TOP2B: variants seen among roughly 807,000 people sequenced by gnomAD.
TOP2B encodes the protein DNA topoisomerase II beta, also known as DNA topoisomerase 2-beta.
A neutral mutation model predicts 193.5 loss-of-function variants in TOP2B; 51 were observed. The ratio of observed to expected loss-of-function variants is 0.26; its 90% CI spans 0.21 to 0.33. TOP2B has a LOEUF of 0.33. TOP2B is among the 10% of genes least tolerant of loss of function. TOP2B has a pLI of 1.00. For missense variants in TOP2B, 1,378 were observed against 1,909.3 expected, an observed-to-expected ratio of 0.72 and a Z score of 5.19; for synonymous variants, 634 against 635.7, an observed-to-expected ratio of 1.00 and a Z score of 0.04.
At chr3:25,619,819 C>A (rs1236528705) in intron 23 of TOP2B, 43 bp downstream of exon 23, 2 of 1,408,034 alleles carry the variant, frequency 1.4e-6, no homozygotes, top group Non-Finnish European at 2.0e-6. Flanking sequence ...CCGACTTATA[C>A]CATGCAAGAA....
At chr3:25,604,372 T>C (rs777672856) in intron 33 of TOP2B, among the ~76,000 whole-genome samples, 3 of 152,250 alleles carry the variant, frequency 2.0e-5, no homozygotes, top group African/African-American at 4.8e-5. Flanking sequence ...ATGACTCACA[T>C]AGAAAAAGAG....
Position 25,630,916 on chromosome 3 carries a change from T to A in TOP2B, c.1290A>T (p.Glu430Asp). ...TAAATTTCACCCAGTTCAGGATACTTTCTACAATGCCACAATTAGAGGCCT... is the reference window on the plus strand; with the variant it reads ...TAAATTTCACCCAGTTCAGGATACTATCTACAATGCCACAATTAGAGGCCT... ...FKAASNCGIV[E>D]SILNWVKFKA... The change falls in exon 11 of 36, where the codon GAA becomes GAT. Residue 430 changes from glutamate to aspartate, a missense_variant. This residue lies in a region of TOP2B where 222 missense variants were observed against 306.6 expected (regional missense o/e 0.72). Coordinates refer to ENST00000264331, the MANE Select transcript of TOP2B (RefSeq NM_001330700.2). 6.3e-7 allele frequency: 1 copy of A among 1,595,378 alleles called. No homozygotes were observed.
chr3:25,603,381 GGCAT>G (rs1270961853), intron 33 of TOP2B, among the ~76,000 whole-genome samples: 4 of 152,152 alleles, frequency 2.6e-5, no homozygotes, highest in East Asian at 1.9e-4. Context: ...TGGGACTACA[GGCAT>G]GCATACGCCA....
intron 5 of TOP2B, 132 bp from the exon 6 acceptor site, chr3:25,637,444 C>A: frequency 1.6e-6 from 1 of 611,116 alleles, no homozygotes; most frequent in South Asian, 2.1e-5. Flanking sequence ...ATTGAAGATT[C>A]CAGAGTATAT....
intron 28 of TOP2B, among the ~76,000 whole-genome samples, chr3:25,610,147 G>C (rs1702331652): frequency 1.3e-5 from 2 of 151,478 alleles, no homozygotes; most frequent in Non-Finnish European, 2.9e-5. Flanking sequence ...ATTGCGGTGA[G>C]CCTCTGGCCT....
At chr3:25,606,922 G>A (rs150133351) in intron 31 of TOP2B, among the ~76,000 whole-genome samples, 82 of 152,278 alleles carry the variant, frequency 5.4e-4, no homozygotes, top group African/African-American at 1.9e-3. Flanking sequence ...AAGTAGTTGT[G>A]ATAGAAACAA....
chr3:25,623,469 T>C, intron 21 of TOP2B, 46 bp downstream of exon 21: 2 of 1,533,756 alleles, frequency 1.3e-6, no homozygotes, highest in South Asian at 1.1e-5. Flanking sequence ...ATTTGTAGTT[T>C]ACACATTATC....
At chr3:25,617,315 A>G (rs1461891871) in intron 25 of TOP2B, among the ~76,000 whole-genome samples, 1 of 152,190 alleles carries the variant, frequency 6.6e-6, no homozygotes, top group Non-Finnish European at 1.5e-5. Flanking sequence ...AATAAAACAC[A>G]TTAAGAGGAA....
intron 3 of TOP2B, 111 bp downstream of exon 3, chr3:25,643,583 A>C (rs185762382): frequency 0.021 from 15,146 of 721,148 alleles, 199 homozygotes; most frequent in Non-Finnish European, 0.026. Context: ...GAAGGATAAA[A>C]GCCAGAGATA....
chr3:25,618,636 T>G lies in TOP2B; in HGVS notation c.3259+18A>C, dbSNP rs1460108612. ...TCCATTTTAACTAATGTTCAAATTT[T>G]TAAAGGTTGTATCTTACCTATAGTA... On this transcript the variant is annotated intron_variant, in intron 24 of 35. Transcript: ENST00000264331. 1 of 1,575,414 alleles carries G rather than the reference T, an allele frequency of 6.3e-7. No individual in the cohort carries two copies. The highest frequency in any genetic ancestry group is 8.6e-7 in the Non-Finnish European group (1 of 1,166,112).
intron 1 of TOP2B, among the ~76,000 whole-genome samples, chr3:25,656,467 C>A (rs1559511022): frequency 6.6e-6 from 1 of 151,792 alleles, no homozygotes; most frequent in African/African-American, 2.4e-5. Flanking sequence ...AGATAAAAAA[C>A]AAACAAAAAT....
intron 1 of TOP2B, among the ~76,000 whole-genome samples, chr3:25,654,763 C>T (rs1703697008): frequency 6.6e-6 from 1 of 152,092 alleles, no homozygotes; most frequent in Non-Finnish European, 1.5e-5. Context: ...GAAATAAACC[C>T]TTACATAAAA....
At chr3:25,604,915 ATC>A in intron 32 of TOP2B, 45 bp from the exon 33 acceptor site, 1 of 1,416,374 alleles carries the variant, frequency 7.1e-7, no homozygotes, top group Non-Finnish European at 9.9e-7. Context: ...TGTTATAAAG[ATC>A]TCTCAGTAAA....
intron 27 of TOP2B, among the ~76,000 whole-genome samples, chr3:25,614,784 T>G (rs1702462784): frequency 6.6e-6 from 1 of 152,038 alleles, no homozygotes; most frequent in African/African-American, 2.4e-5. Context: ...AAATTAGAAT[T>G]CTACTTGGAA....
intron 8 of TOP2B, 132 bp downstream of exon 8, chr3:25,633,709 C>T: frequency 1.5e-6 from 1 of 662,542 alleles, no homozygotes; most frequent in Middle Eastern, 4.6e-4. Flanking sequence ...TTTTTGTTTT[C>T]ATAAGTCAAT....
At chr3:25,657,230 C>A (rs931411753) in intron 1 of TOP2B, among the ~76,000 whole-genome samples, 1 of 152,046 alleles carries the variant, frequency 6.6e-6, no homozygotes, top group African/African-American at 2.4e-5. Context: ...GAAAGTTGTC[C>A]CCTGAGCAAT....
At chr3:25,599,330 C>CTAGGTGGAAAGCTGTTCCAGGACTA in intron 35 of TOP2B, 105 bp downstream of exon 35, 2 of 943,130 alleles carry the variant, frequency 2.1e-6, no homozygotes, top group African/African-American at 3.3e-5. Context: ...ATACGAGATG[C>CTAGGTGGAAAGCTGTTCCAGGACTA]TAGGTGGAAA....
chr3:25,618,606 T>G, intron 24 of TOP2B, 48 bp downstream of exon 24: 1 of 1,547,968 alleles, frequency 6.5e-7, no homozygotes, highest in Non-Finnish European at 8.7e-7. Context: ...TAATAAAGTT[T>G]TTTTTCCATT....
chr3:25,608,020 A>T (rs1702277040), intron 30 of TOP2B, among the ~76,000 whole-genome samples: 1 of 151,924 alleles, frequency 6.6e-6, no homozygotes, highest in African/African-American at 2.4e-5. Context: ...CCTGACCTCA[A>T]GTGATCCTCC....
Sources: allele counts gnomAD v4.1 joint callset (sites outside exome capture counted in the v4.1 genomes callset), GRCh38; gene constraint gnomAD v4.1.1; regional missense constraint gnomAD v4.1.1; transcripts MANE v1.5; gene names NCBI Gene and HGNC (gene_info 2026-07-23, HGNC 2026-07-21).